The following UNC5D variants were observed in gnomAD, a reference collection of about 807,000 sequenced individuals.
UNC5D encodes the protein unc-5 netrin receptor D.
In UNC5D, 39 loss-of-function variants were observed where a neutral mutation model predicts 105.4. The ratio of observed to expected loss-of-function variants is 0.37; its 90% CI spans 0.29 to 0.48. The LOEUF (loss-of-function observed/expected upper bound fraction) is 0.48. Among genes scored for constraint, UNC5D ranks in the 20% least tolerant of loss-of-function variants. The probability of loss-of-function intolerance (pLI) is 0.98; values close to 1 mark genes in which losing one functional copy is unlikely to be tolerated. For synonymous variants in UNC5D, 452 were observed against 450.4 expected (o/e 1.00, Z -0.04); for missense variants, 991 against 1,202.4 (o/e 0.82, Z 2.60).
intron 1 of UNC5D, among the ~76,000 whole-genome samples, chr8:35,463,397 G>A (rs1002220986): frequency 9.9e-5 from 15 of 152,270 alleles, no homozygotes; most frequent in South Asian, 2.1e-4. Flanking sequence ...TAGGGATTAC[G>A]TTGTGAAAGG....
At chr8:35,242,290 A>C (rs2128802103) in intron 1 of UNC5D, among the ~76,000 whole-genome samples, 1 of 152,260 alleles carries the variant, frequency 6.6e-6, no homozygotes, top group South Asian at 2.1e-4. Context: ...CAGATAAGTC[A>C]GAGGGGAAAT....
At chr8:35,698,807 A>G (rs1376665834) in intron 7 of UNC5D, among the ~76,000 whole-genome samples, 1 of 152,184 alleles carries the variant, frequency 6.6e-6, no homozygotes, top group Non-Finnish European at 1.5e-5. Flanking sequence ...TCTTGCCTCA[A>G]GTCAGTGATT....
chr8:35,697,282 C>CAT (rs973242133), intron 7 of UNC5D, among the ~76,000 whole-genome samples: 53 of 149,404 alleles, frequency 3.5e-4, no homozygotes, highest in African/African-American at 1.2e-3. Flanking sequence ...TATATATACA[C>CAT]ATATATATAA....
At chr8:35,397,854 C>G (rs572284777) in intron 1 of UNC5D, among the ~76,000 whole-genome samples, 1 of 152,198 alleles carries the variant, frequency 6.6e-6, no homozygotes, top group African/African-American at 2.4e-5. Context: ...TTGGATGTTA[C>G]TCCTTTACTT....
intron 1 of UNC5D, among the ~76,000 whole-genome samples, chr8:35,244,720 G>A (rs1422234942): frequency 6.6e-6 from 1 of 152,114 alleles, no homozygotes; most frequent in African/African-American, 2.4e-5. Context: ...TTTTAAAGAT[G>A]CTATTACAGG....
chr8:35,767,026 G>T lies in UNC5D; in HGVS notation c.2438G>T (p.Gly813Val). 1 of 1,613,880 alleles carries T rather than the reference G, an allele frequency of 6.2e-7. No individual in the cohort carries two copies. The highest frequency in any genetic ancestry group is 8.5e-7 in the Non-Finnish European group (1 of 1,179,900). ...AAAATCTGCATTCGGCAGCTCAAAG[G>T]CCATGAACAGATCCTCCAAGTGCAG... ...SCKICIRQLK[G>V]HEQILQVQTS... The change falls in exon 15 of 17, where the codon GGC becomes GTC. Residue 813 changes from glycine to valine, a missense_variant. This residue lies in a region of UNC5D where 944 missense variants were observed against 1,131.6 expected (regional missense o/e 0.83). Transcript: ENST00000404895.
intron 1 of UNC5D, among the ~76,000 whole-genome samples, chr8:35,494,162 C>A (rs1811394283): frequency 1.3e-5 from 2 of 152,174 alleles, no homozygotes; most frequent in East Asian, 1.9e-4. Context: ...AAGAAATATA[C>A]AAACTACCTT....
chr8:35,544,570 CA>C, intron 1 of UNC5D: 1 of 1,375,546 alleles, frequency 7.3e-7, no homozygotes, highest in South Asian at 1.2e-5. Context: ...AGGACAGTAC[CA>C]ACCACACCTA....
chr8:35,701,802 A>G (rs1022396658), intron 7 of UNC5D, among the ~76,000 whole-genome samples: 1 of 151,580 alleles, frequency 6.6e-6, no homozygotes, highest in Non-Finnish European at 1.5e-5. Flanking sequence ...CTATAAAATC[A>G]CAGGGGATAA....
At chr8:35,498,576 A>C (rs1188282577) in intron 1 of UNC5D, among the ~76,000 whole-genome samples, 1 of 152,166 alleles carries the variant, frequency 6.6e-6, no homozygotes, top group African/African-American at 2.4e-5. Flanking sequence ...ATGCTCCTCC[A>C]GTGTACTGGG....
intron 2 of UNC5D, among the ~76,000 whole-genome samples, chr8:35,563,980 T>G (rs1255172077): frequency 6.6e-6 from 1 of 152,196 alleles, no homozygotes; most frequent in Non-Finnish European, 1.5e-5. Context: ...TTATGGTTAA[T>G]GATCCTTTAA....
intron 4 of UNC5D, among the ~76,000 whole-genome samples, chr8:35,618,855 T>C (rs1004722931): frequency 5.3e-5 from 8 of 152,150 alleles, no homozygotes; most frequent in African/African-American, 1.9e-4. Flanking sequence ...GAAATAGACA[T>C]TATGGCAGGG....
At chr8:35,624,028 C>T (rs1179022488) in intron 4 of UNC5D, among the ~76,000 whole-genome samples, 1 of 151,892 alleles carries the variant, frequency 6.6e-6, no homozygotes, top group Non-Finnish European at 1.5e-5. Context: ...TGCGGTGAGC[C>T]GAAATTGTGC....
At chr8:35,634,659 G>A (rs1047406276) in intron 4 of UNC5D, among the ~76,000 whole-genome samples, 2 of 152,094 alleles carry the variant, frequency 1.3e-5, no homozygotes, top group African/African-American at 4.8e-5. Flanking sequence ...CAGACAATGG[G>A]ATGGCACATA....
At chr8:35,463,980 A>C (rs1809109594) in intron 1 of UNC5D, among the ~76,000 whole-genome samples, 1 of 152,186 alleles carries the variant, frequency 6.6e-6, no homozygotes, top group Non-Finnish European at 1.5e-5. Flanking sequence ...CTTTGGTGAC[A>C]ACCTGCCCAT....
intron 1 of UNC5D, among the ~76,000 whole-genome samples, chr8:35,476,536 C>A (rs993922821): frequency 6.6e-6 from 1 of 152,182 alleles, no homozygotes; most frequent in East Asian, 1.9e-4. Context: ...AACATGAACA[C>A]TCTCTGGCCA....
intron 2 of UNC5D, among the ~76,000 whole-genome samples, chr8:35,562,398 A>G (rs1586138155): frequency 2.0e-5 from 3 of 152,234 alleles, no homozygotes; most frequent in Admixed American, 2.0e-4. Context: ...TAGTTTTTCA[A>G]GGAACCTTTA....
At chr8:35,541,184 C>T (rs912934893) in intron 1 of UNC5D, among the ~76,000 whole-genome samples, 1 of 152,014 alleles carries the variant, frequency 6.6e-6, no homozygotes, top group Non-Finnish European at 1.5e-5. Context: ...TGGTCAAAGA[C>T]GATTTATGGA....
At chr8:35,717,610 A>G (rs888423248) in intron 8 of UNC5D, among the ~76,000 whole-genome samples, 1 of 152,226 alleles carries the variant, frequency 6.6e-6, no homozygotes, top group Non-Finnish European at 1.5e-5. Context: ...GCTTTCTTTT[A>G]GAGACTTTCT....
Sources: allele counts gnomAD v4.1 joint callset (sites outside exome capture counted in the v4.1 genomes callset), GRCh38; gene constraint gnomAD v4.1.1; regional missense constraint gnomAD v4.1.1; transcripts MANE v1.5; gene names NCBI Gene and HGNC (gene_info 2026-07-23, HGNC 2026-07-21).